Variants in GTF2I observed in about 807,000 individuals in gnomAD.
The protein encoded by GTF2I is general transcription factor IIi, also known as general transcription factor II-I.
A neutral mutation model predicts 67.6 loss-of-function variants in GTF2I; 12 were observed. The observed-to-expected ratio is 0.18, with a 90% CI of 0.11 to 0.29. The LOEUF (loss-of-function observed/expected upper bound fraction) is 0.29, where lower values mean the gene tolerates loss of function less well. Ranked by LOEUF, GTF2I falls within the 10% of genes least tolerant of loss-of-function variation. The pLI is 1.00. For synonymous variants in GTF2I, 149 were observed against 197.0 expected, an observed-to-expected ratio of 0.76 and a Z score of 2.04; for missense variants, 271 against 580.1, an observed-to-expected ratio of 0.47 and a Z score of 5.47.
intron 1 of GTF2I, among the ~76,000 whole-genome samples, chr7:74,675,675 T>C (rs974044830): frequency 6.6e-6 from 1 of 152,106 alleles, no homozygotes; most frequent in Non-Finnish European, 1.5e-5. Flanking sequence ...TTGAAAAATA[T>C]TTAAAATCGG....
chr7:74,680,338 A>G (rs1787165732), intron 1 of GTF2I, among the ~76,000 whole-genome samples: 1 of 151,794 alleles, frequency 6.6e-6, no homozygotes. Context: ...GTTCAGAAGT[A>G]TCTCAGAGAA....
At chr7:74,662,749 C>G (rs1804635013) in intron 1 of GTF2I, among the ~76,000 whole-genome samples, 1 of 151,970 alleles carries the variant, frequency 6.6e-6, no homozygotes, top group African/African-American at 2.4e-5. Flanking sequence ...GTCTCCAACT[C>G]CTGACCTTGT....
intron 1 of GTF2I, among the ~76,000 whole-genome samples, chr7:74,672,857 AC>A (rs1805577682): frequency 6.6e-6 from 1 of 151,986 alleles, no homozygotes; most frequent in Admixed American, 6.6e-5. Flanking sequence ...TTATGAGTTT[AC>A]TGTTTTGTTT....
intron 12 of GTF2I, chr7:74,726,898 CAATAGATAGATA>C (rs1562979173): frequency 8.7e-6 from 1 of 115,160 alleles, no homozygotes; most frequent in Non-Finnish European, 1.9e-5. Flanking sequence ...GAGACCCTGC[CAATAGATAGATA>C]GATAGATAGA....
chr7:74,680,097 A>AT (rs1287173019), intron 1 of GTF2I, among the ~76,000 whole-genome samples: 2,122 of 86,742 alleles, frequency 0.024, 20 homozygotes, highest in Non-Finnish European at 0.035. Context: ...AAAAAAAAAA[A>AT]AAATATATAT....
intron 1 of GTF2I, among the ~76,000 whole-genome samples, chr7:74,683,454 C>T (rs1554394627): frequency 6.6e-6 from 1 of 152,196 alleles, no homozygotes. Context: ...AACAGTTTGT[C>T]ACCAGAGGAC....
chr7:74,719,050 G>A, intron 12 of GTF2I, 109 bp downstream of exon 12: 1 of 608,368 alleles, frequency 1.6e-6, no homozygotes, highest in South Asian at 2.3e-5. Flanking sequence ...GGAGACTTGT[G>A]GGACGAATAC....
chr7:74,697,005 G>C (rs1295625843), intron 3 of GTF2I, among the ~76,000 whole-genome samples: 2 of 151,874 alleles, frequency 1.3e-5, no homozygotes, highest in African/African-American at 4.9e-5. Context: ...TTTCTAGTTA[G>C]AACATTAAAG....
At chr7:74,699,577 G>T (rs917241187) in intron 4 of GTF2I, 1 of 152,944 alleles carries the variant, frequency 6.5e-6, no homozygotes, top group African/African-American at 2.4e-5. Flanking sequence ...GATTACAGGC[G>T]TGAGCCACCA....
intron 3 of GTF2I, among the ~76,000 whole-genome samples, chr7:74,695,544 G>A (rs1425865545): frequency 6.6e-6 from 1 of 152,234 alleles, no homozygotes; most frequent in Middle Eastern, 3.4e-3. Flanking sequence ...TTAAATTGGT[G>A]ATACATTCAG....
intron 1 of GTF2I, among the ~76,000 whole-genome samples, chr7:74,668,244 C>G (rs1805158564): frequency 7.8e-6 from 1 of 128,516 alleles, no homozygotes; most frequent in African/African-American, 2.9e-5. Context: ...AGGATATTAT[C>G]AAGTTCATCT....
intron 2 of GTF2I, among the ~76,000 whole-genome samples, chr7:74,690,176 C>G (rs1335128693): frequency 2.0e-5 from 3 of 151,846 alleles, no homozygotes; most frequent in African/African-American, 7.3e-5. Flanking sequence ...GATCGCGCCA[C>G]CACACTCCAG....
intron 6 of GTF2I, among the ~76,000 whole-genome samples, chr7:74,704,291 TA>T (rs1294873346): frequency 2.0e-5 from 3 of 150,788 alleles, no homozygotes; most frequent in East Asian, 3.9e-4. Flanking sequence ...TTTATTTATT[TA>T]TTTTTTTATT....
chr7:74,669,035 C>G (rs782165967), intron 1 of GTF2I, among the ~76,000 whole-genome samples: 3 of 151,936 alleles, frequency 2.0e-5, no homozygotes, highest in African/African-American at 7.2e-5. Context: ...ACGCCCGGCC[C>G]AAAAGAAGGG....
chr7:74,670,012 G>A (rs782007804), intron 1 of GTF2I, among the ~76,000 whole-genome samples: 4 of 152,066 alleles, frequency 2.6e-5, no homozygotes, highest in Non-Finnish European at 4.4e-5. Flanking sequence ...TTATTTAGCC[G>A]TGATAATTAA....
At chr7:74,660,804 C>T (rs1466843477) in intron 1 of GTF2I, among the ~76,000 whole-genome samples, 1 of 151,784 alleles carries the variant, frequency 6.6e-6, no homozygotes, top group East Asian at 1.9e-4. Context: ...CTTTTACTTT[C>T]CTCTGCATCT....
chr7:74,693,661 A>G (rs1437538350), intron 3 of GTF2I, among the ~76,000 whole-genome samples: 1 of 152,058 alleles, frequency 6.6e-6, no homozygotes, highest in Non-Finnish European at 1.5e-5. Flanking sequence ...CCTGGCCAAC[A>G]TGGTGAAACA....
At chr7:74,725,654 T>C (rs1326297095) in intron 12 of GTF2I, among the ~76,000 whole-genome samples, 2 of 152,142 alleles carry the variant, frequency 1.3e-5, no homozygotes, top group African/African-American at 4.8e-5. Context: ...TGCTCCAGCC[T>C]GGGTGAAGGA....
At chr7:74,731,824 C>A (rs1794511667) in intron 14 of GTF2I, among the ~76,000 whole-genome samples, 2 of 150,776 alleles carry the variant, frequency 1.3e-5, no homozygotes, top group South Asian at 4.2e-4. Flanking sequence ...GGATTACAGG[C>A]GTGAGCCGCT....
Sources: gnomAD v4.1 joint callset for allele counts (sites outside exome capture counted in the v4.1 genomes callset) on GRCh38, gnomAD v4.1.1 for gene constraint, MANE v1.5 for transcripts, NCBI Gene and HGNC (gene_info 2026-07-23, HGNC 2026-07-21) for gene names.